The following CHM variants were observed in gnomAD, a reference collection of about 807,000 sequenced individuals.
CHM encodes CHM Rab escort protein.
A neutral mutation model predicts 49.0 loss-of-function variants in CHM; 10 were observed. That is an observed-to-expected ratio of 0.20 (90% CI 0.13 to 0.35). The LOEUF (loss-of-function observed/expected upper bound fraction) is 0.35, where lower values mean the gene tolerates loss of function less well. Among genes scored for constraint, CHM ranks in the 10% least tolerant of loss-of-function variants. CHM has a pLI of 1.00. For synonymous variants in CHM, 184 were observed against 167.5 expected (o/e 1.10, Z -0.76); for missense variants, 455 against 478.4 (o/e 0.95, Z 0.46).
intron 8 of CHM, among the ~76,000 whole-genome samples, chrX:85,922,294 C>T (rs1457177869): frequency 8.9e-6 from 1 of 112,545 alleles, no homozygotes; most frequent in East Asian, 2.8e-4. Flanking sequence ...AGAGTTTTCA[C>T]TTATGCTAAC....
At chrX:85,981,219 T>TATATATATATATATATATATATATATAG (rs1931581412) in intron 3 of CHM, among the ~76,000 whole-genome samples, 1 of 71,532 alleles carries the variant, frequency 1.4e-5, no homozygotes, top group Non-Finnish European at 2.6e-5. Context: ...TATATATATA[T>TATATATATATATATATATATATATATAG]AGACACACAT....
chrX:86,008,724 C>T (rs1205436178), intron 2 of CHM, among the ~76,000 whole-genome samples: 1 of 111,194 alleles, frequency 9.0e-6, no homozygotes, highest in Non-Finnish European at 1.9e-5. Context: ...TATTTTAAGC[C>T]ATATGGTCTC....
intron 2 of CHM, among the ~76,000 whole-genome samples, chrX:85,982,012 G>T (rs907580860): frequency 9.0e-6 from 1 of 111,146 alleles, no homozygotes; most frequent in Admixed American, 9.6e-5. Flanking sequence ...GATCCCAAAA[G>T]AAATGTTTCA....
chrX:85,991,143 A>C (rs767648777), intron 2 of CHM, among the ~76,000 whole-genome samples: 8 of 111,984 alleles, frequency 7.1e-5, no homozygotes, highest in Non-Finnish European at 7.5e-5. Flanking sequence ...CTTTTCCTAG[A>C]GTAGTAGTAA....
intron 4 of CHM, among the ~76,000 whole-genome samples, chrX:85,971,830 TTAGATACAGAGTA>T (rs1930933304): frequency 9.0e-6 from 1 of 110,771 alleles, no homozygotes; most frequent in South Asian, 4.0e-4. Context: ...ATCAGATTAG[TTAGATACAGAGTA>T]TAGATACAAA....
intron 8 of CHM, among the ~76,000 whole-genome samples, chrX:85,951,621 C>G (rs1929750988): frequency 9.0e-6 from 1 of 111,607 alleles, no homozygotes; most frequent in Non-Finnish European, 1.9e-5. Flanking sequence ...AGACAACAAC[C>G]CAATAGACAA....
chrX:85,985,761 G>A (rs1054570897), intron 2 of CHM, among the ~76,000 whole-genome samples: 4 of 112,270 alleles, frequency 3.6e-5, no homozygotes, highest in Non-Finnish European at 7.5e-5. Context: ...GATACTTTGA[G>A]GTACTGGAAA....
At chrX:86,032,518 T>C (rs1296910239) in intron 1 of CHM, among the ~76,000 whole-genome samples, 1 of 111,867 alleles carries the variant, frequency 8.9e-6, no homozygotes, top group African/African-American at 3.2e-5. Flanking sequence ...TACTATTTAC[T>C]TAAGTTACCC....
chrX:85,927,569 C>G lies in CHM; in HGVS notation c.1167-16231G>C, dbSNP rs1431236306. 1.1e-4 allele frequency among the ~76,000 whole-genome samples: 12 copies of G among 112,317 alleles called. No individual in the cohort carries two copies. In the Admixed American group the frequency reaches 1.1e-3, roughly 11 times the overall value. ...AACATTCACTAAAGCAACTTAATAT[C>G]TTTACAGTATATTATTCAGATAATT... On this transcript the variant is annotated intron_variant, in intron 8 of 14. Coordinates refer to ENST00000357749, the MANE Select transcript of CHM (RefSeq NM_000390.4).
At chrX:86,032,207 C>T (rs1662306747) in intron 1 of CHM, among the ~76,000 whole-genome samples, 1 of 112,111 alleles carries the variant, frequency 8.9e-6, no homozygotes, top group East Asian at 2.8e-4. Flanking sequence ...AAGAAAAGCC[C>T]GACATGAGTT....
At chrX:85,868,001 C>A (rs1315603988) in intron 14 of CHM, among the ~76,000 whole-genome samples, 2 of 106,057 alleles carry the variant, frequency 1.9e-5, no homozygotes, top group Admixed American at 1.0e-4. Flanking sequence ...ACACGTCCAT[C>A]ACCACTAATA....
intron 9 of CHM, among the ~76,000 whole-genome samples, chrX:85,907,888 C>T (rs926721778): frequency 1.3e-4 from 15 of 111,712 alleles, no homozygotes; most frequent in Non-Finnish European, 5.6e-5. Flanking sequence ...GGAGATACAA[C>T]AGTGAGATCC....
intron 4 of CHM, among the ~76,000 whole-genome samples, chrX:85,972,484 C>T (rs1238811166): frequency 8.8e-6 from 1 of 113,250 alleles, no homozygotes; most frequent in East Asian, 2.8e-4. Flanking sequence ...TGGCGGGCTG[C>T]AGTCCCGAGG....
At chrX:86,004,942 A>G (rs1055242477) in intron 2 of CHM, among the ~76,000 whole-genome samples, 8 of 112,011 alleles carry the variant, frequency 7.1e-5, no homozygotes, top group Non-Finnish European at 1.1e-4. Flanking sequence ...CTCTCCACCC[A>G]AAGTCAACAG....
intron 2 of CHM, among the ~76,000 whole-genome samples, chrX:85,983,781 G>A (rs977177426): frequency 4.5e-5 from 5 of 110,784 alleles, no homozygotes; most frequent in East Asian, 5.6e-4. Context: ...AAGTTTCTTC[G>A]GACACAAAAA....
chrX:85,870,316 T>G (rs1923971435), intron 14 of CHM, among the ~76,000 whole-genome samples: 1 of 111,974 alleles, frequency 8.9e-6, no homozygotes, highest in Admixed American at 9.5e-5. Context: ...TTGCTCGCTC[T>G]CTCTCAAAGG....
chrX:85,932,738 C>T (rs955819383), intron 8 of CHM, among the ~76,000 whole-genome samples: 10 of 111,575 alleles, frequency 9.0e-5, no homozygotes, highest in African/African-American at 1.3e-4. Context: ...TGCTTGTTTT[C>T]GTCTGTATAT....
intron 11 of CHM, among the ~76,000 whole-genome samples, chrX:85,897,554 G>A (rs1328405610): frequency 9.1e-6 from 1 of 110,173 alleles, no homozygotes; most frequent in African/African-American, 3.3e-5. Context: ...ACTACTGCGC[G>A]TGGTGGACAG....
At chrX:85,976,478 C>T (rs1347267776) in intron 4 of CHM, among the ~76,000 whole-genome samples, 1 of 110,420 alleles carries the variant, frequency 9.1e-6, no homozygotes, top group African/African-American at 3.3e-5. Context: ...AAAAATTAGC[C>T]GGGTGTGGTG....
Sources: allele counts gnomAD v4.1 joint callset (sites outside exome capture counted in the v4.1 genomes callset), GRCh38; gene constraint gnomAD v4.1.1; transcripts MANE v1.5; gene names NCBI Gene and HGNC (gene_info 2026-07-23, HGNC 2026-07-21).